Variants in FAM83G observed in about 807,000 individuals in gnomAD.
FAM83G encodes the protein protein FAM83G.
In FAM83G, 38 loss-of-function variants were observed where a neutral mutation model predicts 61.5. The observed-to-expected ratio is 0.62, with a 90% CI of 0.48 to 0.81. The LOEUF (loss-of-function observed/expected upper bound fraction) is 0.81, where lower values mean the gene tolerates loss of function less well. Among genes scored for constraint, FAM83G ranks in the 30% least tolerant of loss-of-function variants. The probability of loss-of-function intolerance (pLI) is 0.00; values close to 1 mark genes in which losing one functional copy is unlikely to be tolerated. For synonymous variants in FAM83G, 470 were observed against 476.1 expected, an observed-to-expected ratio of 0.99 and a Z score of 0.17; for missense variants, 989 against 1,133.6, an observed-to-expected ratio of 0.87 and a Z score of 1.83.
chr17:18,972,004 T>C (rs1440215834), intron 5 of FAM83G, among the ~76,000 whole-genome samples: 1 of 152,194 alleles, frequency 6.6e-6, no homozygotes, highest in African/African-American at 2.4e-5. Context: ...CAGCCTCCTC[T>C]ATTCCGACAC....
At chr17:18,985,911 C>G (rs973803429) in intron 3 of FAM83G, among the ~76,000 whole-genome samples, 2 of 152,366 alleles carry the variant, frequency 1.3e-5, no homozygotes, top group African/African-American at 4.8e-5. Flanking sequence ...AGCCCAGGGC[C>G]TGGGATTTAG....
Position 18,970,911 on chromosome 17 carries a change from G to T in FAM83G, c.*448C>A. The T allele has an allele frequency of 9.3e-7, 1 of 1,073,962 alleles. No homozygotes were observed. The highest frequency in any genetic ancestry group is 1.4e-6 in the Non-Finnish European group (1 of 714,980). 66.5% of individuals were successfully genotyped at this position (1,073,962 alleles called of 1,614,324 possible). A position where few individuals can be genotyped will look rare whatever the true frequency, so the allele number is the denominator to read the frequency against. On this transcript the variant is annotated 3_prime_UTR_variant, in exon 6 of 6. Coordinates refer to ENST00000388995, the MANE Select transcript of FAM83G (RefSeq NM_001039999.3). The stretch of plus-strand genomic sequence containing the variant: ...GATGAGGTGGAAAAAACTCAAGTTT[G>T]ATGCATCAGGAAGTTTCTTGTGAGA...
chr17:18,976,785 A>C lies in FAM83G; in HGVS notation c.2082+799T>G, dbSNP rs2042990355. 4 of 1,584,572 alleles carry C rather than the reference A, an allele frequency of 2.5e-6. No individual in the cohort carries two copies. In the East Asian group the frequency reaches 9.0e-5, roughly 36 times the overall value. ...GCCTCATGCCCATTCCCTGAGGCCCACCAAGGACCAATCCTGACACAAGTG... is the reference window on the plus strand; with the variant it reads ...GCCTCATGCCCATTCCCTGAGGCCCCCCAAGGACCAATCCTGACACAAGTG... On this transcript the variant is annotated intron_variant, in intron 5 of 5. Transcript: ENST00000388995.
At chr17:18,989,094 G>A (rs892437895) in intron 2 of FAM83G, among the ~76,000 whole-genome samples, 1 of 152,216 alleles carries the variant, frequency 6.6e-6, no homozygotes, top group African/African-American at 2.4e-5. Flanking sequence ...AGGGAGTCAG[G>A]ACAGGGCCTG....
intron 2 of FAM83G, among the ~76,000 whole-genome samples, chr17:18,991,382 C>T (rs557129947): frequency 6.6e-6 from 1 of 152,364 alleles, no homozygotes; most frequent in African/African-American, 2.4e-5. Context: ...TGGCTTGCCC[C>T]TGTGGTTCTA....
At chr17:18,977,424 G>A (rs1383140505) in intron 5 of FAM83G, 160 bp downstream of exon 5, 1 of 743,128 alleles carries the variant, frequency 1.3e-6, no homozygotes, top group South Asian at 1.9e-5. Context: ...GCCCTGGCCG[G>A]TTCCCACCCC....
rs376311708 is a variant in FAM83G at position 18,977,899 on chromosome 17, G to A, written c.1767C>T (p.Thr589=). ...CTGAGTGGCTGTCCTGGTCACTGAG[G>A]GTTACGTAGTCGTCATCATCTTCTT... The part of the protein sequence containing the change: ...VEEEDDDDYV[T]LSDQDSHSGS... The change falls in exon 5 of 6, where the codon ACC becomes ACT. Residue 589 remains threonine, a synonymous_variant. Transcript: ENST00000388995. 63 of 1,610,622 alleles carry A rather than the reference G, an allele frequency of 3.9e-5. No individual in the cohort carries two copies. The highest frequency in any genetic ancestry group is 5.3e-5 in the African/African-American group (4 of 74,910).
rs1567784490 is a variant in FAM83G at position 18,970,845 on chromosome 17, AAAC to A, written c.*511_*513del. 3.2e-6 allele frequency: 2 copies of A among 617,344 alleles called. No homozygotes were observed. The highest frequency in any genetic ancestry group is 5.7e-6 in the Non-Finnish European group (2 of 352,122). The allele number at this position is 617,344 out of a possible 1,614,324, so 38.2% of individuals were successfully genotyped here. ...TCATTCAAATACACCTTAAAAAAAA[AAAC>A]AACCCTCTACCCTCACACCTTTCCA... On this transcript the variant is annotated 3_prime_UTR_variant, in exon 6 of 6. Transcript: ENST00000388995.
chr17:18,972,156 C>T (rs1189442370), intron 5 of FAM83G, among the ~76,000 whole-genome samples: 1 of 152,202 alleles, frequency 6.6e-6, no homozygotes, highest in Non-Finnish European at 1.5e-5. Context: ...TGAGCTGCTT[C>T]CTGTCTCTGG....
intron 3 of FAM83G, among the ~76,000 whole-genome samples, chr17:18,984,969 T>C (rs1484337332): frequency 6.6e-6 from 1 of 152,174 alleles, no homozygotes; most frequent in Non-Finnish European, 1.5e-5. Context: ...TGCACGCTGC[T>C]CCCACCTCAC....
chr17:18,978,359 A>G lies in FAM83G; in HGVS notation c.1307T>C (p.Ile436Thr). The change falls in exon 5 of 6, where the codon ATC (isoleucine) becomes ACC (threonine). Residue 436 changes from isoleucine to threonine, a missense_variant. By Grantham distance (89) the Ile-to-Thr change is moderately conservative. Transcript: ENST00000388995. ...LGYINIIDPN[I>T]WNPQPSQMNR... is the part of the protein sequence containing the mutation. ...CATCTGGCTGGGCTGGGGGTTCCAG[A>G]TGTTGGGGTCGATGATATTGATGTA... The G allele has an allele frequency of 6.3e-7, 1 of 1,598,408 alleles. No homozygotes were observed. The highest frequency in any genetic ancestry group is 8.5e-7 in the Non-Finnish European group (1 of 1,172,882).
Position 18,969,675 on chromosome 17 carries a change from C to T in FAM83G, c.*1684G>A, listed in dbSNP as rs2042790148. Reference sequence around the variant, plus strand: ...AGCTCTGGCCCTGGCAAGGAGCTGACTCAGGAACTCAGGGCCAGCCACACC... The same window carrying T: ...AGCTCTGGCCCTGGCAAGGAGCTGATTCAGGAACTCAGGGCCAGCCACACC... On this transcript the variant is annotated 3_prime_UTR_variant, in exon 6 of 6. Transcript: ENST00000388995. 6.8e-6 allele frequency: 3 copies of T among 439,790 alleles called. No individual in the cohort carries two copies. In the South Asian group the frequency reaches 1.6e-4, roughly 24 times the overall value. The allele number at this position is 439,790 out of a possible 1,614,324, so 27.2% of individuals were successfully genotyped here.
intron 2 of FAM83G, among the ~76,000 whole-genome samples, chr17:18,991,782 G>A (rs1303434076): frequency 6.6e-6 from 1 of 152,238 alleles, no homozygotes; most frequent in Non-Finnish European, 1.5e-5. Context: ...GCTCCCAAGT[G>A]AAGGAGGGAG....
chr17:18,996,051 A>G lies in FAM83G; in HGVS notation c.522+7469T>C, dbSNP rs982323713. Among the ~76,000 whole-genome samples, 1 of 152,072 alleles carries G rather than the reference A, an allele frequency of 6.6e-6. No individual in the cohort carries two copies. Among genetic ancestry groups the G allele is most frequent in the African/African-American group, 2.4e-5 (1 of 41,408 alleles). ...CAACCAGAAGAGAAAAGACAACTGC[A>G]TGTCAAGGAACAAAGTAAGTGGACT... On this transcript the variant is annotated intron_variant, in intron 2 of 5. Transcript: ENST00000388995. The surrounding 1 kb of genome is among the most constrained non-coding windows in gnomAD (Gnocchi z 4.4).
At position 18,971,885 on chromosome 17, in the gene FAM83G, T is replaced by C. The variant is rs987012580; in HGVS notation, c.2083-137A>G. 3 of 890,188 alleles carry C rather than the reference T, an allele frequency of 3.4e-6. No individual in the cohort carries two copies. The highest frequency in any genetic ancestry group is 5.0e-6 in the Non-Finnish European group (3 of 601,626). The allele number at this position is 890,188 out of a possible 1,614,324, so 55.1% of individuals were successfully genotyped here. On this transcript the variant is annotated intron_variant, in intron 5 of 5. Transcript: ENST00000388995. This position sits in a 1 kb window ranked among gnomAD's most constrained non-coding sequence, Gnocchi z 5.5. ...TCTGCCATTCACCAGGGAGTGGGCC[T>C]AGACCAGTTGGTTTAGTCACTCGAT...
chr17:19,003,261 C>T lies in FAM83G; in HGVS notation c.522+259G>A, dbSNP rs769685623. Among the ~76,000 whole-genome samples, 32 of 151,572 alleles carry T rather than the reference C, an allele frequency of 2.1e-4. No homozygotes were observed. Among genetic ancestry groups the T allele is most frequent in the Non-Finnish European group, 3.7e-4 (25 of 67,834 alleles). ...CCTTCTTCTGGGGAACCAGAAACAC[C>T]CTCCAACAATAAAGAGGCCCTTTGA... On this transcript the variant is annotated intron_variant, in intron 2 of 5. Transcript: ENST00000388995. The surrounding 1 kb of genome is among the most constrained non-coding windows in gnomAD (Gnocchi z 4.5).
In FAM83G at chr17:18,978,733, G is replaced by A; in HGVS notation, c.933C>T (p.Ser311=). The A allele has an allele frequency of 6.2e-7, 1 of 1,612,998 alleles. No individual in the cohort carries two copies. The highest frequency in any genetic ancestry group is 8.5e-7 in the Non-Finnish European group (1 of 1,180,022). Reference sequence around the variant, plus strand: ...CCTTCTCCATAGGGATGCCCTTGAGGCTCACACTGTGTGACATGAGGTACA... The same window carrying A: ...CCTTCTCCATAGGGATGCCCTTGAGACTCACACTGTGTGACATGAGGTACA... ...QELYLMSHSV[S]LKGIPMEKEP... Residue 311 remains serine, a synonymous_variant, in exon 5 of 6, where the codon AGC becomes AGT. Coordinates refer to ENST00000388995, the MANE Select transcript of FAM83G (RefSeq NM_001039999.3).
At chr17:18,984,267 G>A (rs113438354) in intron 3 of FAM83G, among the ~76,000 whole-genome samples, 4 of 151,178 alleles carry the variant, frequency 2.6e-5, no homozygotes, top group East Asian at 1.9e-4. Context: ...GCACGAACCC[G>A]GGAGGCAGAG....
intron 5 of FAM83G, among the ~76,000 whole-genome samples, chr17:18,974,345 G>T (rs2042929708): frequency 6.6e-6 from 1 of 152,242 alleles, no homozygotes; most frequent in Non-Finnish European, 1.5e-5. Flanking sequence ...ATGACAAGTA[G>T]GTGGCATTTT....
Sources: allele counts gnomAD v4.1 joint callset (sites outside exome capture counted in the v4.1 genomes callset), GRCh38; gene constraint gnomAD v4.1.1; non-coding constraint Gnocchi (gnomAD v3.1); transcripts MANE v1.5; gene names NCBI Gene and HGNC (gene_info 2026-07-23, HGNC 2026-07-21).